DDX41: variants seen among roughly 807,000 people sequenced by gnomAD.
DDX41 encodes DEAD-box helicase 41.
In DDX41, 50 loss-of-function variants were observed where a neutral mutation model predicts 78.8. The ratio of observed to expected loss-of-function variants is 0.63; its 90% CI spans 0.51 to 0.80. The LOEUF is 0.80. Ranked by LOEUF, DDX41 falls within the 30% of genes least tolerant of loss-of-function variation. The pLI is 0.00. For synonymous variants in DDX41, 381 were observed against 321.5 expected, an observed-to-expected ratio of 1.19 and a Z score of -1.98; for missense variants, 633 against 849.2, an observed-to-expected ratio of 0.75 and a Z score of 3.16.
chr5:177,514,284 C>T lies in DDX41; in HGVS notation c.935+417G>A, dbSNP rs1313610663. 2 of 489,348 alleles carry T rather than the reference C, an allele frequency of 4.1e-6. No homozygotes were observed. Among genetic ancestry groups the T allele is most frequent in the Non-Finnish European group, 8.0e-6 (2 of 250,264 alleles). The allele number at this position is 489,348 out of a possible 1,614,324, so 30.3% of individuals were successfully genotyped here. A position where few individuals can be genotyped will look rare whatever the true frequency, so the allele number is the denominator to read the frequency against. On this transcript the variant is annotated intron_variant, in intron 9 of 16. Transcript: ENST00000330503. This position sits in a 1 kb window ranked among gnomAD's most constrained non-coding sequence, Gnocchi z 4.2. ...CTCTGGTGGTCTGCAGAGGACTGCA[C>T]AGCACTGAAAGGACACAGGTGCCGC...
At chr5:177,516,559 A>G in intron 2 of DDX41, 112 bp from the exon 3 acceptor site, 1 of 1,447,766 alleles carries the variant, frequency 6.9e-7, no homozygotes, top group Non-Finnish European at 9.5e-7. Flanking sequence ...AAGCTGCCCT[A>G]CCCCTCAGAT....
At position 177,513,499 on chromosome 5, in the gene DDX41, G is replaced by A. The variant is rs1761079095; in HGVS notation, c.1099-15C>T. On this transcript the variant is annotated splice_polypyrimidine_tract_variant and intron_variant, in intron 10 of 16. Coordinates refer to ENST00000330503, the MANE Select transcript of DDX41 (RefSeq NM_016222.4). The surrounding 1 kb of genome is among the most constrained non-coding windows in gnomAD (Gnocchi z 4.6). ...TGTCGCTGGCCCTGAGGAAGAGGGG[G>A]GCTGCGACCAAGGGCACACAGGGCT... 12 of 1,614,070 alleles carry A rather than the reference G, an allele frequency of 7.4e-6. No individual in the cohort carries two copies. Among genetic ancestry groups the A allele is most frequent in the Non-Finnish European group, 1.0e-5 (12 of 1,180,030 alleles).
At position 177,515,794 on chromosome 5, in the gene DDX41, G is replaced by C. The variant is rs151196255; in HGVS notation, c.462C>G (p.Ser154Arg). The stretch of plus-strand genomic sequence containing the variant: ...CGCGCTCATGTCGCTCTTCAGACAT[G>C]CTCAGAACATAACGGGGTGGAGTCC... ...TSWTPPRYVL[S>R]MSEERHERVR... is the part of the protein sequence containing the mutation. The change falls in exon 6 of 17, where the codon AGC becomes AGG. Residue 154 changes from serine (S) to arginine (R), a missense_variant. Physicochemically the swap from Ser to Arg is moderately radical, Grantham distance 110. Transcript: ENST00000330503. 1 of 1,614,164 alleles carries C rather than the reference G, an allele frequency of 6.2e-7. No individual in the cohort carries two copies. Among genetic ancestry groups the C allele is most frequent in the East Asian group, 2.2e-5 (1 of 44,890 alleles).
Position 177,511,655 on chromosome 5 carries a change from G to A in DDX41, c.*136C>T. On this transcript the variant is annotated 3_prime_UTR_variant, in exon 17 of 17. Transcript: ENST00000330503. ...GTAATTCTGAAGAGCACAGGGAACA[G>A]GCAGCCAGGACCAGCCTGGCCCATC... 1 of 1,204,216 alleles carries A rather than the reference G, an allele frequency of 8.3e-7. No individual in the cohort carries two copies. The highest frequency in any genetic ancestry group is 1.2e-6 in the Non-Finnish European group (1 of 845,582). 74.6% of individuals were successfully genotyped at this position (1,204,216 alleles called of 1,614,324 possible). A position where few individuals can be genotyped will look rare whatever the true frequency, so the allele number is the denominator to read the frequency against.
chr5:177,516,582 C>T (rs1221948022), intron 2 of DDX41, 135 bp from the exon 3 acceptor site: 1 of 1,388,862 alleles, frequency 7.2e-7, no homozygotes, highest in African/African-American at 1.4e-5. Flanking sequence ...AGCCGTCGGT[C>T]CCTCGTTTGT....
In DDX41 at chr5:177,513,718, C is replaced by T. The variant is rs1761090039; in HGVS notation, c.1065G>A (p.Glu355=). ...AGGAGAAGATGGTACGGATGTCACCCTCGAAGCCCATGTCGATCATGCGGT... is the reference window on the plus strand; with the variant it reads ...AGGAGAAGATGGTACGGATGTCACCTTCGAAGCCCATGTCGATCATGCGGT... The part of the protein sequence containing the change: ...EADRMIDMGF[E]GDIRTIFSYF... The change falls in exon 10 of 17, where the codon GAG becomes GAA. Residue 355 remains glutamate, a synonymous_variant. Coordinates refer to ENST00000330503, the MANE Select transcript of DDX41 (RefSeq NM_016222.4). The surrounding 1 kb of genome is among the most constrained non-coding windows in gnomAD (Gnocchi z 4.6). 1.2e-6 allele frequency: 2 copies of T among 1,613,708 alleles called. No individual in the cohort carries two copies. The highest frequency in any genetic ancestry group is 4.5e-5 in the East Asian group (2 of 44,886).
rs139845884 is a variant in DDX41, at chr5:177,514,937, A to G, written c.777T>C (p.Tyr259=). 31 of 1,611,956 alleles carry G rather than the reference A, an allele frequency of 1.9e-5. No individual in the cohort carries two copies. The highest frequency in any genetic ancestry group is 1.0e-4 in the Admixed American group (6 of 59,974). ...TTACCGAGGGGCAGATGATGAGTCC[A>G]TAGGGCCCCTCGCGCTTTGAGAAGG... ...RLPFSKREGP[Y]GLIICPSREL... is the part of the protein sequence containing the mutation. Residue 259 remains tyrosine (Y), a synonymous_variant, in exon 8 of 17, where the codon TAT becomes TAC. Coordinates refer to ENST00000330503, the MANE Select transcript of DDX41 (RefSeq NM_016222.4). The surrounding 1 kb of genome is among the most constrained non-coding windows in gnomAD (Gnocchi z 4.2).
rs761710936 is a variant in DDX41, at chr5:177,513,087, C to T, written c.1231-5G>A. On this transcript the variant is annotated splice_region_variant and splice_polypyrimidine_tract_variant and intron_variant, in intron 11 of 16. Coordinates refer to ENST00000330503, the MANE Select transcript of DDX41 (RefSeq NM_016222.4). The surrounding 1 kb of genome is among the most constrained non-coding windows in gnomAD (Gnocchi z 4.6). ...CTCCTTCACATATTCTACCTCCTGC[C>T]ACCACAAAGATCAGGTCAGGTGATC... The T allele has an allele frequency of 2.2e-5, 35 of 1,612,910 alleles. No homozygotes were observed. Among genetic ancestry groups the T allele is most frequent in the Middle Eastern group, 1.6e-4 (1 of 6,082 alleles).
rs769954237 is a variant in DDX41, at chr5:177,516,829, G to A, written c.34C>T (p.Arg12Cys). The A allele has an allele frequency of 6.2e-7, 1 of 1,612,734 alleles. No homozygotes were observed. Among genetic ancestry groups the A allele is most frequent in the Non-Finnish European group, 8.5e-7 (1 of 1,179,892 alleles). ...EESEPERKRA[R>C]TDEVPAGGSR... ...CCTCCGGCAGGCACCTCGTCGGTGCGAGCCCGCTGCAAGCACACGCCAGTC... is the reference window on the plus strand; with the variant it reads ...CCTCCGGCAGGCACCTCGTCGGTGCAAGCCCGCTGCAAGCACACGCCAGTC... Residue 12 changes from arginine (R) to cysteine (C), a missense_variant, in exon 2 of 17, where the codon CGC becomes TGC. Coordinates refer to ENST00000330503, the MANE Select transcript of DDX41 (RefSeq NM_016222.4).
Position 177,516,388 on chromosome 5 carries a change from G to A in DDX41, c.198C>T (p.Ser66=). 1 of 1,613,950 alleles carries A rather than the reference G, an allele frequency of 6.2e-7. No homozygotes were observed. The highest frequency in any genetic ancestry group is 2.2e-5 in the East Asian group (1 of 44,876). ...KGAAEEEQQD[S]GSEPRGDEDD... ...CCTCATCTCCCCGGGGTTCACTACC[G>A]CTGTCCTGCTGCTCTTCCTCCGCAG... is the stretch of plus-strand genomic sequence containing the variant. Residue 66 remains serine, a synonymous_variant, in exon 3 of 17, where the codon AGC becomes AGT. Transcript: ENST00000330503.
At chr5:177,515,337 C>A in intron 6 of DDX41, 79 bp from the exon 7 acceptor site, 1 of 1,378,650 alleles carries the variant, frequency 7.3e-7, no homozygotes, top group Non-Finnish European at 1.0e-6. Flanking sequence ...ACTGGCACTA[C>A]CCCTACAAGT....
chr5:177,511,976 G>T, intron 16 of DDX41, 49 bp from the exon 17 acceptor site: 1 of 1,608,774 alleles, frequency 6.2e-7, no homozygotes. Flanking sequence ...CAGGATCCAT[G>T]CCCTGGACTT....
At position 177,514,942 on chromosome 5, in the gene DDX41, G is replaced by GC; in HGVS notation, c.771dup (p.Pro258AlafsTer90). The GC allele has an allele frequency of 6.2e-7, 1 of 1,612,194 alleles. No homozygotes were observed. The highest frequency in any genetic ancestry group is 8.5e-7 in the Non-Finnish European group (1 of 1,178,670). The stretch of plus-strand genomic sequence containing the variant: ...GAGGGGCAGATGATGAGTCCATAGG[G>GC]CCCCTCGCGCTTTGAGAAGGGTAAC... On this transcript the variant is annotated frameshift_variant, in exon 8 of 17. Transcript: ENST00000330503. LOFTEE classifies it high-confidence loss of function. This position sits in a 1 kb window ranked among gnomAD's most constrained non-coding sequence, Gnocchi z 4.2.
chr5:177,515,620 C>G, intron 6 of DDX41, 65 bp downstream of exon 6: 1 of 1,587,904 alleles, frequency 6.3e-7, no homozygotes, highest in South Asian at 1.1e-5. Flanking sequence ...TCAGTGGGAG[C>G]CAGGACATAA....
At chr5:177,515,430 C>T in intron 6 of DDX41, 172 bp from the exon 7 acceptor site, 1 of 893,696 alleles carries the variant, frequency 1.1e-6, no homozygotes, top group Non-Finnish European at 1.8e-6. Flanking sequence ...CCAAGGCCCA[C>T]AGGCTAGGTG....
Position 177,515,690 on chromosome 5 carries a change from G to A in DDX41, c.566C>T (p.Pro189Leu), listed in dbSNP as rs776934246. ...TCTCTCCAGCCCCTGACTACCTGCA[G>A]GAAACTTCATTTCCTTGAAGCTCTT... ...PIKSFKEMKF[P>L]AAILRGLKKK... The change falls in exon 6 of 17, where the codon CCT (proline) becomes CTT (leucine). Residue 189 changes from proline (P) to leucine (L), a missense_variant. Coordinates refer to ENST00000330503, the MANE Select transcript of DDX41 (RefSeq NM_016222.4). 4 of 1,613,894 alleles carry A rather than the reference G, an allele frequency of 2.5e-6. No homozygotes were observed. In the African/African-American group the frequency reaches 5.3e-5, roughly 22 times the overall value.
rs566606978 is a variant in DDX41 at position 177,512,246 on chromosome 5, C to T, written c.1622-40G>A. ...GGGAAGCATCAGGGCCCATCCTGGG[C>T]TCTGTGGCCAGAACCTGGGTGGCCA... On this transcript the variant is annotated intron_variant, in intron 15 of 16. Coordinates refer to ENST00000330503, the MANE Select transcript of DDX41 (RefSeq NM_016222.4). 37 of 1,613,870 alleles carry T rather than the reference C, an allele frequency of 2.3e-5. No homozygotes were observed. The East Asian group carries it at 7.1e-4, about 31-fold the overall frequency.
Position 177,514,091 on chromosome 5 carries a change from C to T in DDX41, c.936-244G>A. The T allele has an allele frequency of 1.5e-6, 1 of 664,658 alleles. No individual in the cohort carries two copies. The highest frequency in any genetic ancestry group is 2.4e-4 in the Middle Eastern group (1 of 4,248). 41.2% of individuals were successfully genotyped at this position (664,658 alleles called of 1,614,324 possible). On this transcript the variant is annotated intron_variant, in intron 9 of 16. Transcript: ENST00000330503. The surrounding 1 kb of genome is among the most constrained non-coding windows in gnomAD (Gnocchi z 4.2). The stretch of plus-strand genomic sequence containing the variant: ...CCTTCTCCTGGGTCAGCCTCTCACC[C>T]AGAAGCGCTGTCATCAAGCTCCAGA...
At position 177,513,825 on chromosome 5, in the gene DDX41, T is replaced by A. The variant is rs1761096730; in HGVS notation, c.958A>T (p.Thr320Ser). 3.7e-6 allele frequency: 6 copies of A among 1,613,478 alleles called. No homozygotes were observed. The highest frequency in any genetic ancestry group is 1.3e-5 in the African/African-American group (1 of 74,908). ...IRHGVHMMVATPGRLMDLLQK... is the reference protein window; with the variant it reads ...IRHGVHMMVASPGRLMDLLQK... ...AGCAAATCCATGAGGCGCCCCGGGG[T>A]GGCCACCATCATGTGTACACCGCTG... is the stretch of plus-strand genomic sequence containing the variant. The change falls in exon 10 of 17, where the codon ACC becomes TCC. Residue 320 changes from threonine to serine, a missense_variant. Physicochemically the swap from Thr to Ser is moderately conservative, Grantham distance 58. This residue lies in a region of DDX41 where 151 missense variants were observed against 169.2 expected (regional missense o/e 0.89). Transcript: ENST00000330503. The surrounding 1 kb of genome is among the most constrained non-coding windows in gnomAD (Gnocchi z 4.6).
Sources: gnomAD v4.1 joint callset for allele counts on GRCh38, gnomAD v4.1.1 for gene constraint, gnomAD v4.1.1 regional missense constraint, Gnocchi (gnomAD v3.1) non-coding constraint, MANE v1.5 for transcripts, NCBI Gene and HGNC (gene_info 2026-07-23, HGNC 2026-07-21) for gene names.